DHRS3: variants seen among roughly 807,000 people sequenced by gnomAD.
The protein encoded by DHRS3 is short-chain dehydrogenase/reductase 3.
Under a neutral mutation model 27.2 loss-of-function variants are expected in DHRS3, and 14 were observed. The observed-to-expected ratio is 0.52, with a 90% CI of 0.34 to 0.81. The LOEUF (loss-of-function observed/expected upper bound fraction) is 0.81. DHRS3 is among the 30% of genes least tolerant of loss of function. The probability of loss-of-function intolerance (pLI) is 0.01; values close to 1 mark genes in which losing one functional copy is unlikely to be tolerated. For missense variants in DHRS3, 322 were observed against 406.2 expected (o/e 0.79, Z 1.78); for synonymous variants, 165 against 175.9 (o/e 0.94, Z 0.49).
intron 1 of DHRS3, among the ~76,000 whole-genome samples, chr1:12,599,815 A>G (rs1344984352): frequency 6.6e-6 from 1 of 152,166 alleles, no homozygotes; most frequent in African/African-American, 2.4e-5. Flanking sequence ...TTCGAATCCC[A>G]TGGCTACCTG....
In DHRS3 at chr1:12,572,899, T is replaced by G. The variant is rs201260707; in HGVS notation, c.699-46A>C. ...AGTGGGTTTCTCCTGGAGAGGCATG[T>G]GCTTATCTGGAAGTCTTTATGAGGC... On this transcript the variant is annotated intron_variant, in intron 4 of 5. Coordinates refer to ENST00000616661, the MANE Select transcript of DHRS3 (RefSeq NM_004753.7). The G allele has an allele frequency of 2.6e-4, 403 of 1,528,588 alleles. 1 individual carries two copies. The African/African-American group carries it at 5.2e-3, about 20-fold the overall frequency. The allele number at this position is 1,528,588 out of a possible 1,614,324, so 94.7% of individuals were successfully genotyped here. A position where few individuals can be genotyped will look rare whatever the true frequency, so the allele number is the denominator to read the frequency against.
At position 12,594,557 on chromosome 1, in the gene DHRS3, G is replaced by A. The variant is rs986633979; in HGVS notation, c.196-13891C>T. 1.6e-4 allele frequency among the ~76,000 whole-genome samples: 25 copies of A among 152,144 alleles called. No homozygotes were observed. Among genetic ancestry groups the A allele is most frequent in the Admixed American group, 6.5e-5 (1 of 15,284 alleles). On this transcript the variant is annotated intron_variant, in intron 1 of 5. Coordinates refer to ENST00000616661, the MANE Select transcript of DHRS3 (RefSeq NM_004753.7). This position sits in a 1 kb window ranked among gnomAD's most constrained non-coding sequence, Gnocchi z 4.1. ...TGGGAGTGGTATTCAGATGGTGGGG[G>A]AAAGGTGCAGGGAAGTCCTCTTGGT...
At chr1:12,605,062 T>C (rs866327969) in intron 1 of DHRS3, among the ~76,000 whole-genome samples, 1 of 113,562 alleles carries the variant, frequency 8.8e-6, no homozygotes, top group Non-Finnish European at 1.7e-5. Context: ...CCTGCGCGAC[T>C]GGCAAAACTC....
rs563430149 is a variant in DHRS3, at chr1:12,568,154, A to C, written c.*186T>G. ...GTTTTCCTGCCTCCCTGTGGGGGTC[A>C]GTTATACCCATCAGTCCTGTGCAAA... On this transcript the variant is annotated 3_prime_UTR_variant, in exon 6 of 6. Transcript: ENST00000616661. The C allele has an allele frequency of 7.1e-6, 4 of 564,654 alleles. No homozygotes were observed. Among genetic ancestry groups the C allele is most frequent in the Admixed American group, 3.0e-5 (1 of 32,892 alleles). 35.0% of individuals were successfully genotyped at this position (564,654 alleles called of 1,614,324 possible).
chr1:12,579,451 C>T, intron 2 of DHRS3, 39 bp from the exon 3 acceptor site: 1 of 1,606,724 alleles, frequency 6.2e-7, no homozygotes, highest in South Asian at 1.1e-5. Context: ...TGAGGGCAGC[C>T]AGCCCAGGGC....
In DHRS3 at chr1:12,568,150, G is replaced by A; in HGVS notation, c.*190C>T. 1.8e-6 allele frequency: 1 copy of A among 555,400 alleles called. No individual in the cohort carries two copies. The highest frequency in any genetic ancestry group is 3.3e-6 in the Non-Finnish European group (1 of 306,606). The allele number at this position is 555,400 out of a possible 1,614,324, so 34.4% of individuals were successfully genotyped here. A position where few individuals can be genotyped will look rare whatever the true frequency, so the allele number is the denominator to read the frequency against. ...GGCTGTTTTCCTGCCTCCCTGTGGGGGTCAGTTATACCCATCAGTCCTGTG... is the reference window on the plus strand; with the variant it reads ...GGCTGTTTTCCTGCCTCCCTGTGGGAGTCAGTTATACCCATCAGTCCTGTG... On this transcript the variant is annotated 3_prime_UTR_variant, in exon 6 of 6. Transcript: ENST00000616661.
chr1:12,595,688 G>C (rs1267326423), intron 1 of DHRS3, among the ~76,000 whole-genome samples: 1 of 151,538 alleles, frequency 6.6e-6, no homozygotes, highest in Admixed American at 6.6e-5. Flanking sequence ...GGGCGGCGAA[G>C]GAAGGCCGAG....
At chr1:12,573,857 G>A (rs181683207) in intron 4 of DHRS3, among the ~76,000 whole-genome samples, 410 of 152,308 alleles carry the variant, frequency 2.7e-3, no homozygotes, top group African/African-American at 9.3e-3. Flanking sequence ...TAAGGAAACC[G>A]AGGCTGTATT....
At chr1:12,584,755 C>T (rs1312166477) in intron 1 of DHRS3, among the ~76,000 whole-genome samples, 1 of 152,240 alleles carries the variant, frequency 6.6e-6, no homozygotes, top group Non-Finnish European at 1.5e-5. Context: ...GCAGCTTTCA[C>T]AGGGCAAGGC....
chr1:12,618,132 C>T lies in DHRS3; in HGVS notation c.-784G>A, dbSNP rs565990717. On this transcript the variant is annotated 5_prime_UTR_variant, in exon 1 of 6. Coordinates refer to ENST00000616661, the MANE Select transcript of DHRS3 (RefSeq NM_004753.7). The surrounding 1 kb of genome is among the most constrained non-coding windows in gnomAD (Gnocchi z 4.2). ...TGCCGCTCGATCCAGCTCCCCTTCTCTCCCTTTTTAGCATTTATTGCCTTC... is the reference window on the plus strand; with the variant it reads ...TGCCGCTCGATCCAGCTCCCCTTCTTTCCCTTTTTAGCATTTATTGCCTTC... Among the ~76,000 whole-genome samples the T allele has an allele frequency of 2.7e-3, 409 of 152,234 alleles. 1 individual carries two copies. Among genetic ancestry groups the T allele is most frequent in the African/African-American group, 8.4e-3 (349 of 41,544 alleles).
At chr1:12,610,777 T>C (rs1189360142) in intron 1 of DHRS3, among the ~76,000 whole-genome samples, 1 of 152,234 alleles carries the variant, frequency 6.6e-6, no homozygotes, top group Non-Finnish European at 1.5e-5. Context: ...CTGAATAATA[T>C]GTTTGAAATG....
intron 1 of DHRS3, among the ~76,000 whole-genome samples, chr1:12,609,404 G>T (rs1303624080): frequency 6.6e-6 from 1 of 152,138 alleles, no homozygotes; most frequent in South Asian, 2.1e-4. Context: ...AGCCCTGAGG[G>T]CTGGGTGCCA....
chr1:12,592,146 G>A lies in DHRS3; in HGVS notation c.196-11480C>T, dbSNP rs1370145746. ...GGTGGGACTGTGACAAGCACTCACCGCCACCACAGTGAACAATCTGTGGAC... is the reference window on the plus strand; with the variant it reads ...GGTGGGACTGTGACAAGCACTCACCACCACCACAGTGAACAATCTGTGGAC... On this transcript the variant is annotated intron_variant, in intron 1 of 5. Transcript: ENST00000616661. This position sits in a 1 kb window ranked among gnomAD's most constrained non-coding sequence, Gnocchi z 4.2. 5.9e-5 allele frequency among the ~76,000 whole-genome samples: 9 copies of A among 152,126 alleles called. No individual in the cohort carries two copies. In the South Asian group the frequency reaches 1.9e-3, roughly 32 times the overall value.
chr1:12,579,309 G>T lies in DHRS3; in HGVS notation c.443C>A (p.Thr148Asn). 1.2e-6 allele frequency: 2 copies of T among 1,614,144 alleles called. No individual in the cohort carries two copies. The highest frequency in any genetic ancestry group is 1.7e-6 in the Non-Finnish European group (2 of 1,180,036). The change falls in exon 3 of 6, where the codon ACC becomes AAC. Residue 148 changes from threonine (T) to asparagine (N), a missense_variant. Coordinates refer to ENST00000616661, the MANE Select transcript of DHRS3 (RefSeq NM_004753.7). Reference protein sequence around the residue: ...DALLKSQHINTLGQFWTTKAF... With the variant: ...DALLKSQHINNLGQFWTTKAF... ...AGCCCTTACCCAGAACTGGCCCAGG[G>T]TGTTGATGTGTTGGGACTTGAGGAG...
intron 1 of DHRS3, among the ~76,000 whole-genome samples, chr1:12,607,845 A>G (rs1350357390): frequency 2.7e-5 from 4 of 150,362 alleles, no homozygotes; most frequent in Non-Finnish European, 4.4e-5. Flanking sequence ...ATATTTGTGT[A>G]TATGTGTGTG....
intron 1 of DHRS3, among the ~76,000 whole-genome samples, chr1:12,601,327 G>A (rs903933576): frequency 6.6e-6 from 1 of 152,086 alleles, no homozygotes; most frequent in Non-Finnish European, 1.5e-5. Flanking sequence ...CACTGCCAGA[G>A]AGACCCAATT....
intron 1 of DHRS3, among the ~76,000 whole-genome samples, chr1:12,595,595 G>A (rs1570386993): frequency 6.6e-6 from 1 of 151,212 alleles, no homozygotes; most frequent in Non-Finnish European, 1.5e-5. Context: ...TGGAGCGGGT[G>A]AGGAGGGGGC....
chr1:12,599,151 G>A (rs1204719633), intron 1 of DHRS3, among the ~76,000 whole-genome samples: 1 of 152,258 alleles, frequency 6.6e-6, no homozygotes, highest in Non-Finnish European at 1.5e-5. Context: ...TTTAATCTCT[G>A]CTAGGACGAA....
At position 12,617,718 on chromosome 1, in the gene DHRS3, GAA is replaced by G. The variant is rs560789895; in HGVS notation, c.-372_-371del. The G allele has an allele frequency of 1.8e-4, 12 of 67,812 alleles. No homozygotes were observed. The highest frequency in any genetic ancestry group is 4.3e-4 in the East Asian group (1 of 2,330). The allele number at this position is 67,812 out of a possible 1,614,324, so 4.2% of individuals were successfully genotyped here. ...TGACAGAGGAGTTTAGGGAGGGGAA[GAA>G]AAAAAAAAAAAGGCACCAACCACAC... On this transcript the variant is annotated 5_prime_UTR_variant, in exon 1 of 6. Coordinates refer to ENST00000616661, the MANE Select transcript of DHRS3 (RefSeq NM_004753.7).
Sources: gnomAD v4.1 joint callset for allele counts (sites outside exome capture counted in the v4.1 genomes callset) on GRCh38, gnomAD v4.1.1 for gene constraint, Gnocchi (gnomAD v3.1) non-coding constraint, MANE v1.5 for transcripts, NCBI Gene and HGNC (gene_info 2026-07-23, HGNC 2026-07-21) for gene names.